The following NCAM2 variants were observed in gnomAD, a reference collection of about 807,000 sequenced individuals.
NCAM2 encodes the protein neural cell adhesion molecule 2.
NCAM2 carries 30 observed loss-of-function variants against 98.1 expected under a neutral mutation model. That is an observed-to-expected ratio of 0.31 (90% CI 0.23 to 0.41). The LOEUF is 0.41. NCAM2 is among the 10% of genes least tolerant of loss of function. The probability of loss-of-function intolerance (pLI) is 1.00; values close to 1 mark genes in which losing one functional copy is unlikely to be tolerated. For missense variants in NCAM2, 867 were observed against 1,005.8 expected (o/e 0.86, Z 1.87); for synonymous variants, 368 against 342.4 (o/e 1.07, Z -0.83).
chr21:21,328,476 G>A (rs911019059), intron 6 of NCAM2, among the ~76,000 whole-genome samples: 1 of 151,786 alleles, frequency 6.6e-6, no homozygotes, highest in Admixed American at 6.6e-5. Flanking sequence ...GCCTGTTATT[G>A]CCCCCAAAAG....
At chr21:21,373,048 A>G (rs77656574) in intron 8 of NCAM2, among the ~76,000 whole-genome samples, 6,530 of 151,924 alleles carry the variant, frequency 0.043, 201 homozygotes, top group Non-Finnish European at 0.06. Context: ...ATTAAGTACA[A>G]GTGCTTAACT....
At chr21:21,068,549 T>C (rs1157442573) in intron 1 of NCAM2, among the ~76,000 whole-genome samples, 1 of 146,642 alleles carries the variant, frequency 6.8e-6, no homozygotes, top group African/African-American at 2.5e-5. Flanking sequence ...AACCTCCGCC[T>C]CCCAGGTTCA....
intron 15 of NCAM2, among the ~76,000 whole-genome samples, chr21:21,491,786 T>C (rs1404714717): frequency 1.3e-5 from 2 of 151,522 alleles, no homozygotes; most frequent in Admixed American, 6.6e-5. Context: ...ATACACCTTT[T>C]GAAACATGCT....
At chr21:21,273,918 C>A (rs180784375) in intron 1 of NCAM2, among the ~76,000 whole-genome samples, 2,621 of 152,222 alleles carry the variant, frequency 0.017, 30 homozygotes, top group Non-Finnish European at 0.027. Context: ...GTAATCCCAG[C>A]ACTTTGGGAG....
chr21:21,158,103 T>C (rs2146757613), intron 1 of NCAM2, among the ~76,000 whole-genome samples: 1 of 152,262 alleles, frequency 6.6e-6, no homozygotes, highest in African/African-American at 2.4e-5. Context: ...GCAGAAGGCA[T>C]ACGTATAGAA....
At chr21:21,019,133 T>G (rs2064377625) in intron 1 of NCAM2, among the ~76,000 whole-genome samples, 1 of 152,214 alleles carries the variant, frequency 6.6e-6, no homozygotes, top group African/African-American at 2.4e-5. Flanking sequence ...GTGAATAAAT[T>G]TGGATCCTGT....
At chr21:21,375,221 CA>C (rs201564357) in intron 9 of NCAM2, among the ~76,000 whole-genome samples, 8,661 of 134,402 alleles carry the variant, frequency 0.064, 296 homozygotes, top group East Asian at 0.14. Flanking sequence ...AAAACAAAAA[CA>C]AAAAAAAAAA....
chr21:21,190,455 T>G (rs2068784646), intron 1 of NCAM2, among the ~76,000 whole-genome samples: 1 of 152,170 alleles, frequency 6.6e-6, no homozygotes, highest in South Asian at 2.1e-4. Context: ...ACTAAGTAAG[T>G]TCAGTGTGGC....
chr21:21,317,162 C>T (rs1388749297), intron 5 of NCAM2, among the ~76,000 whole-genome samples: 1 of 152,108 alleles, frequency 6.6e-6, no homozygotes, highest in African/African-American at 2.4e-5. Flanking sequence ...ACATTATCCC[C>T]CTCTCAGATT....
In NCAM2 at chr21:21,298,619, A is replaced by C. The variant is rs1288973866; in HGVS notation, c.619+6378A>C. On this transcript the variant is annotated intron_variant, in intron 5 of 17. Coordinates refer to ENST00000400546, the MANE Select transcript of NCAM2 (RefSeq NM_004540.5). ...GATAGATAGATAGATAGATAGATAG[A>C]TAGATAGATAGATGATAGATAGAGA... Among the ~76,000 whole-genome samples, 3 of 151,488 alleles carry C rather than the reference A, an allele frequency of 2.0e-5. No individual in the cohort carries two copies. The Admixed American group carries it at 2.0e-4, about 10-fold the overall frequency.
At chr21:21,481,267 A>T (rs1484263412) in intron 15 of NCAM2, among the ~76,000 whole-genome samples, 1 of 152,206 alleles carries the variant, frequency 6.6e-6, no homozygotes, top group Non-Finnish European at 1.5e-5. Context: ...ATCATATTAT[A>T]CTAGAAGAAG....
At chr21:21,238,024 C>T (rs1028987370) in intron 1 of NCAM2, among the ~76,000 whole-genome samples, 1 of 139,664 alleles carries the variant, frequency 7.2e-6, no homozygotes, top group Non-Finnish European at 1.5e-5. Context: ...GGTGCAGTCT[C>T]GGTTCACTGC....
chr21:21,225,403 T>TA (rs961810955), intron 1 of NCAM2, among the ~76,000 whole-genome samples: 4 of 151,876 alleles, frequency 2.6e-5, no homozygotes, highest in East Asian at 1.9e-4. Context: ...ACCCCAGATC[T>TA]AAAAAAAATA....
chr21:21,272,505 C>CGCGG, intron 1 of NCAM2, among the ~76,000 whole-genome samples: 1 of 56,584 alleles, frequency 1.8e-5, no homozygotes, highest in South Asian at 7.5e-4. Context: ...CATGCGCGCG[C>CGCGG]GCGCACACAC....
chr21:21,417,426 C>T (rs979443857), intron 10 of NCAM2, among the ~76,000 whole-genome samples: 2 of 152,026 alleles, frequency 1.3e-5, no homozygotes, highest in African/African-American at 2.4e-5. Context: ...CTTTTCTGTA[C>T]TCTTTCAGAA....
At chr21:21,055,331 C>T (rs2065190076) in intron 1 of NCAM2, among the ~76,000 whole-genome samples, 1 of 151,988 alleles carries the variant, frequency 6.6e-6, no homozygotes, top group African/African-American at 2.4e-5. Flanking sequence ...TGATTATGCC[C>T]ACTGGGCACC....
intron 1 of NCAM2, among the ~76,000 whole-genome samples, chr21:21,238,741 C>T (rs1416996509): frequency 6.6e-6 from 1 of 151,958 alleles, no homozygotes; most frequent in Non-Finnish European, 1.5e-5. Flanking sequence ...AATATTAGGG[C>T]GATTTTCTTT....
intron 1 of NCAM2, among the ~76,000 whole-genome samples, chr21:21,049,265 C>G (rs577967591): frequency 2.0e-5 from 3 of 151,466 alleles, no homozygotes; most frequent in African/African-American, 7.3e-5. Context: ...ATGATCCACC[C>G]GCCTCGGCCT....
At position 21,031,614 on chromosome 21, in the gene NCAM2, T is replaced by C. The variant is rs1030166114; in HGVS notation, c.55+32996T>C. Among the ~76,000 whole-genome samples, 8 of 152,358 alleles carry C rather than the reference T, an allele frequency of 5.3e-5. No individual in the cohort carries two copies. In the South Asian group the frequency reaches 8.3e-4, roughly 16 times the overall value. ...TTTGGAAGAGGAAATTTACATCTTA[T>C]AAAGCTGTAAAGTATGTCTCCAATA... On this transcript the variant is annotated intron_variant, in intron 1 of 17. Transcript: ENST00000400546.
Sources: gnomAD v4.1 joint callset for allele counts (sites outside exome capture counted in the v4.1 genomes callset) on GRCh38, gnomAD v4.1.1 for gene constraint, MANE v1.5 for transcripts, NCBI Gene and HGNC (gene_info 2026-07-23, HGNC 2026-07-21) for gene names.